The following ORAI2 variants were observed in gnomAD, a reference collection of about 807,000 sequenced individuals.
The protein encoded by ORAI2 is protein orai-2.
Under a neutral mutation model 16.2 loss-of-function variants are expected in ORAI2, and 10 were observed. The observed-to-expected ratio is 0.62, with a 90% confidence interval of 0.38 to 1.04. ORAI2 has a LOEUF of 1.04. ORAI2 is among the 50% of genes least tolerant of loss of function. The pLI is 0.01. For missense variants in ORAI2, 238 were observed against 355.5 expected (o/e 0.67, Z 2.66); for synonymous variants, 150 against 157.5 (o/e 0.95, Z 0.35).
chr7:102,443,114 T>A (rs1244747700), intron 3 of ORAI2, among the ~76,000 whole-genome samples: 1 of 122,180 alleles, frequency 8.2e-6, no homozygotes, highest in East Asian at 2.5e-4. Flanking sequence ...CTTCTTCTTC[T>A]TCTTCTTCTT....
At position 102,439,193 on chromosome 7, in the gene ORAI2, C is replaced by T. The variant is rs373164083; in HGVS notation, c.225+12C>T. The T allele has an allele frequency of 7.8e-5, 126 of 1,609,266 alleles. No homozygotes were observed. The highest frequency in any genetic ancestry group is 2.2e-4 in the East Asian group (10 of 44,874). On this transcript the variant is annotated intron_variant, in intron 3 of 3. Transcript: ENST00000495936. Reference sequence around the variant, plus strand: ...CCGGCTTTGCCATGGTGAGTGTGGGCGCCAAGTGAGGAGCACACTGGTCAG... The same window carrying T: ...CCGGCTTTGCCATGGTGAGTGTGGGTGCCAAGTGAGGAGCACACTGGTCAG...
chr7:102,437,572 G>A (rs1414576745), intron 2 of ORAI2, among the ~76,000 whole-genome samples: 2 of 152,138 alleles, frequency 1.3e-5, no homozygotes, highest in South Asian at 2.1e-4. Flanking sequence ...CCGAAATTGC[G>A]CCACTTCACT....
At chr7:102,436,527 G>A (rs938131454) in intron 2 of ORAI2, among the ~76,000 whole-genome samples, 194 bp downstream of exon 2, 1 of 151,920 alleles carries the variant, frequency 6.6e-6, no homozygotes, top group African/African-American at 2.4e-5. Flanking sequence ...GGCATGGATG[G>A]ACTAAGTTTG....
intron 3 of ORAI2, among the ~76,000 whole-genome samples, chr7:102,445,627 T>C (rs955043755): frequency 6.6e-6 from 1 of 152,068 alleles, no homozygotes; most frequent in African/African-American, 2.4e-5. Flanking sequence ...ATTTTGTATT[T>C]TTTATAGAGA....
At chr7:102,435,854 C>T (rs1213676706) in intron 1 of ORAI2, among the ~76,000 whole-genome samples, 2 of 152,094 alleles carry the variant, frequency 1.3e-5, no homozygotes, top group African/African-American at 2.4e-5. Context: ...AGGCTAGTCT[C>T]GAACTCCTGA....
chr7:102,446,458 G>A, intron 3 of ORAI2, 55 bp from the exon 4 acceptor site: 7 of 1,518,488 alleles, frequency 4.6e-6, no homozygotes, highest in Middle Eastern at 2.0e-4. Flanking sequence ...TGGCCCTGGT[G>A]GGGCCATACC....
intron 1 of ORAI2, among the ~76,000 whole-genome samples, chr7:102,435,084 A>G (rs1797028069): frequency 6.6e-6 from 1 of 152,166 alleles, no homozygotes; most frequent in South Asian, 2.1e-4. Context: ...AGCCTGGCCA[A>G]CATAGCAAAA....
Position 102,443,128 on chromosome 7 carries a change from CTTCTTT to C in ORAI2, c.226-3382_226-3377del, listed in dbSNP as rs1187981111. On this transcript the variant is annotated intron_variant, in intron 3 of 3. Transcript: ENST00000495936. Reference sequence around the variant, plus strand: ...TCTTCTTCTTCTTCTTCTTCTTCTTCTTCTTTTTTTTTTTTTTAATAGAGATGGGGT... The same window carrying C: ...TCTTCTTCTTCTTCTTCTTCTTCTTCTTTTTTTTTTTAATAGAGATGGGGT... Among the ~76,000 whole-genome samples the C allele has an allele frequency of 6.0e-4, 15 of 24,890 alleles. No homozygotes were observed. The East Asian group carries it at 6.8e-3, about 11-fold the overall frequency. 16.3% of individuals were successfully genotyped at this position (24,890 alleles called of 152,430 possible).
rs183709796 is a variant in ORAI2, at chr7:102,441,120, T to C, written c.225+1939T>C. ...GTTGGCCAGGCTGGGCTCGAACTCC[T>C]GACCTCAGGTGATCCGCCACCCTCG... On this transcript the variant is annotated intron_variant, in intron 3 of 3. Coordinates refer to ENST00000495936, the MANE Select transcript of ORAI2 (RefSeq NM_001126340.3). 3.1e-3 allele frequency among the ~76,000 whole-genome samples: 458 copies of C among 149,874 alleles called. 1 individual carries two copies. Among genetic ancestry groups the C allele is most frequent in the East Asian group, 0.025 (125 of 4,902 alleles).
At chr7:102,439,632 CG>C (rs1187854241) in intron 3 of ORAI2, among the ~76,000 whole-genome samples, 1 of 151,808 alleles carries the variant, frequency 6.6e-6, no homozygotes, top group Non-Finnish European at 1.5e-5. Context: ...GACGTGGTGG[CG>C]TGCACCTATA....
At chr7:102,437,615 A>C (rs960191704) in intron 2 of ORAI2, among the ~76,000 whole-genome samples, 3 of 152,116 alleles carry the variant, frequency 2.0e-5, no homozygotes, top group Non-Finnish European at 2.9e-5. Flanking sequence ...ACTCTGTCTC[A>C]AAAAATAAAT....
chr7:102,445,901 CTCTT>C (rs1181763948), intron 3 of ORAI2, among the ~76,000 whole-genome samples: 3 of 135,774 alleles, frequency 2.2e-5, no homozygotes, highest in Non-Finnish European at 4.8e-5. Flanking sequence ...TTCTCTCTTT[CTCTT>C]TCTCTCTCTT....
intron 3 of ORAI2, among the ~76,000 whole-genome samples, chr7:102,442,277 G>A (rs1366476975): frequency 6.6e-6 from 1 of 152,114 alleles, no homozygotes; most frequent in African/African-American, 2.4e-5. Context: ...GGAGGGCCGG[G>A]CGCCATGGTT....
At position 102,455,192 on chromosome 7, in the gene ORAI2, A is replaced by G. The variant is rs535415919; in HGVS notation, c.*8140A>G. 6.5e-6 allele frequency: 1 copy of G among 152,722 alleles called. No individual in the cohort carries two copies. Among genetic ancestry groups the G allele is most frequent in the Admixed American group, 6.5e-5 (1 of 15,290 alleles). 9.5% of individuals were successfully genotyped at this position (152,722 alleles called of 1,614,324 possible). ...GCAAGACCCTGCCCCGCCGCCTGAAAGAAAGAAAAAAGAAAGAGAAAGGAA... is the reference window on the plus strand; with the variant it reads ...GCAAGACCCTGCCCCGCCGCCTGAAGGAAAGAAAAAAGAAAGAGAAAGGAA... On this transcript the variant is annotated 3_prime_UTR_variant, in exon 4 of 4. Transcript: ENST00000495936.
intron 3 of ORAI2, among the ~76,000 whole-genome samples, chr7:102,444,785 C>A (rs1797299765): frequency 6.6e-6 from 1 of 151,598 alleles, no homozygotes; most frequent in African/African-American, 2.4e-5. Flanking sequence ...CCTGCCTCCG[C>A]TTCCTGAGTA....
At chr7:102,441,832 T>C (rs1285157620) in intron 3 of ORAI2, among the ~76,000 whole-genome samples, 1 of 151,984 alleles carries the variant, frequency 6.6e-6, no homozygotes, top group Non-Finnish European at 1.5e-5. Context: ...TAGATTAGCA[T>C]AGCGCCATCC....
In ORAI2 at chr7:102,439,145, C is replaced by T. The variant is rs369254395; in HGVS notation, c.189C>T (p.Ser63=). 33 of 1,613,854 alleles carry T rather than the reference C, an allele frequency of 2.0e-5. No individual in the cohort carries two copies. The South Asian group carries it at 2.4e-4, about 12-fold the overall frequency. Reference sequence around the variant, plus strand: ...TGAGCAGGGCCAAGCTGAAGGCCTCCAGCAGGACCTCCGCCCTCCTCTCCG... The same window carrying T: ...TGAGCAGGGCCAAGCTGAAGGCCTCTAGCAGGACCTCCGCCCTCCTCTCCG... ...LYLSRAKLKA[S]SRTSALLSGF... is the part of the protein sequence containing the mutation. The change falls in exon 3 of 4, where the codon TCC becomes TCT. Residue 63 remains serine (S), a synonymous_variant. Coordinates refer to ENST00000495936, the MANE Select transcript of ORAI2 (RefSeq NM_001126340.3).
chr7:102,436,451 C>T (rs1797060942), intron 2 of ORAI2, 118 bp downstream of exon 2: 2 of 503,052 alleles, frequency 4.0e-6, no homozygotes, highest in Non-Finnish European at 5.1e-6. Context: ...CACTGTTTTC[C>T]ACCTCCAGCA....
At position 102,438,998 on chromosome 7, in the gene ORAI2, T is replaced by C; in HGVS notation, c.42T>C (p.Pro14=). 1.2e-6 allele frequency: 2 copies of C among 1,613,970 alleles called. No homozygotes were observed. Among genetic ancestry groups the C allele is most frequent in the Non-Finnish European group, 1.7e-6 (2 of 1,180,020 alleles). ...ACGTGCCTATCGACCCCTCTGCTCC[T>C]GCCTGCCCTGAGCCCGGCCATAAGG... ...ELNVPIDPSA[P]ACPEPGHKGM... is the part of the protein sequence containing the mutation. The change falls in exon 3 of 4, where the codon CCT becomes CCC. Residue 14 remains proline, a synonymous_variant. Coordinates refer to ENST00000495936, the MANE Select transcript of ORAI2 (RefSeq NM_001126340.3).
Sources: allele counts gnomAD v4.1 joint callset (sites outside exome capture counted in the v4.1 genomes callset), GRCh38; gene constraint gnomAD v4.1.1; transcripts MANE v1.5; gene names NCBI Gene and HGNC (gene_info 2026-07-23, HGNC 2026-07-21).